Variants in NEK11 observed in about 807,000 individuals in gnomAD.
NEK11 encodes the protein serine/threonine-protein kinase Nek11.
Under a neutral mutation model 80.7 loss-of-function variants are expected in NEK11, and 72 were observed. The ratio of observed to expected loss-of-function variants is 0.89; its 90% CI spans 0.74 to 1.08. The LOEUF is 1.08. Among genes scored for constraint, NEK11 ranks in the 50% least tolerant of loss-of-function variants. The probability of loss-of-function intolerance (pLI) is 0.00; values close to 1 mark genes in which losing one functional copy is unlikely to be tolerated. For missense variants in NEK11, 764 were observed against 763.6 expected, an observed-to-expected ratio of 1.00 and a Z score of -0.01; for synonymous variants, 251 against 260.7, an observed-to-expected ratio of 0.96 and a Z score of 0.36.
At chr3:131,192,076 A>T (rs553170604) in intron 14 of NEK11, among the ~76,000 whole-genome samples, 1 of 152,276 alleles carries the variant, frequency 6.6e-6, no homozygotes, top group South Asian at 2.1e-4. Context: ...TATATAAAGA[A>T]CTCTTGAAAA....
chr3:131,119,814 T>C (rs1241758233), intron 5 of NEK11, among the ~76,000 whole-genome samples: 1 of 152,198 alleles, frequency 6.6e-6, no homozygotes, highest in East Asian at 1.9e-4. Flanking sequence ...TGTTTTGTTT[T>C]GTTTTCCAGT....
intron 15 of NEK11, among the ~76,000 whole-genome samples, chr3:131,229,812 G>T (rs1313099331): frequency 1.3e-5 from 2 of 152,012 alleles, no homozygotes; most frequent in East Asian, 3.9e-4. Context: ...GAAAGGATTA[G>T]AGAGAGATAA....
chr3:131,296,138 G>T (rs556265045), intron 17 of NEK11, among the ~76,000 whole-genome samples: 2 of 152,226 alleles, frequency 1.3e-5, no homozygotes, highest in South Asian at 4.1e-4. Flanking sequence ...ACCACACCTG[G>T]CCCAAGTCTG....
intron 17 of NEK11, among the ~76,000 whole-genome samples, chr3:131,300,166 T>C (rs753852586): frequency 6.6e-6 from 1 of 152,198 alleles, no homozygotes. Flanking sequence ...GTTGGCCACA[T>C]GTGTATGTCT....
At chr3:131,061,204 A>T (rs1465170362) in intron 3 of NEK11, among the ~76,000 whole-genome samples, 1 of 152,224 alleles carries the variant, frequency 6.6e-6, no homozygotes, top group Admixed American at 6.5e-5. Flanking sequence ...GATTTTTTAA[A>T]CATCTGAAGA....
chr3:131,071,507 T>C (rs1234569539), intron 3 of NEK11, among the ~76,000 whole-genome samples: 1 of 152,038 alleles, frequency 6.6e-6, no homozygotes, highest in Non-Finnish European at 1.5e-5. Flanking sequence ...GATTATCTTC[T>C]GTTTGCTATT....
intron 17 of NEK11, among the ~76,000 whole-genome samples, chr3:131,324,809 C>T (rs570680992): frequency 2.6e-5 from 4 of 152,240 alleles, no homozygotes; most frequent in South Asian, 2.1e-4. Flanking sequence ...ACTCCTTCCC[C>T]CTCTGAGCAT....
At chr3:131,212,886 G>A (rs1489534603) in intron 14 of NEK11, among the ~76,000 whole-genome samples, 1 of 152,156 alleles carries the variant, frequency 6.6e-6, no homozygotes, top group East Asian at 1.9e-4. Context: ...GTGTTTTTAA[G>A]ATGCAATTAA....
intron 7 of NEK11, among the ~76,000 whole-genome samples, chr3:131,147,717 C>T (rs373738421): frequency 6.6e-6 from 1 of 151,930 alleles, no homozygotes; most frequent in South Asian, 2.1e-4. Context: ...AGCAGTCTTG[C>T]GTAATTCCCT....
At chr3:131,044,867 T>C (rs781347643) in intron 3 of NEK11, among the ~76,000 whole-genome samples, 2 of 152,090 alleles carry the variant, frequency 1.3e-5, no homozygotes, top group Non-Finnish European at 2.9e-5. Flanking sequence ...ACCACATAAT[T>C]GGAAGTAAAA....
chr3:131,182,428 A>G (rs2093408732), intron 14 of NEK11, among the ~76,000 whole-genome samples: 1 of 152,216 alleles, frequency 6.6e-6, no homozygotes, highest in African/African-American at 2.4e-5. Context: ...TGAAGTCGCC[A>G]GCATTTATAA....
intron 3 of NEK11, among the ~76,000 whole-genome samples, chr3:131,060,990 C>T (rs1413584258): frequency 6.6e-6 from 1 of 151,974 alleles, no homozygotes; most frequent in Non-Finnish European, 1.5e-5. Context: ...ATTCCCAGTC[C>T]CCCATCCAGA....
chr3:131,062,802 G>A (rs1180478186), intron 3 of NEK11, among the ~76,000 whole-genome samples: 1 of 152,170 alleles, frequency 6.6e-6, no homozygotes, highest in East Asian at 1.9e-4. Flanking sequence ...AAGGAGGAAA[G>A]GAACCACCAC....
intron 16 of NEK11, among the ~76,000 whole-genome samples, chr3:131,247,532 T>C (rs564623541): frequency 6.6e-6 from 1 of 152,268 alleles, no homozygotes; most frequent in South Asian, 2.1e-4. Context: ...CCTTATAATA[T>C]AGTATAGTTT....
rs775973882 is a variant in NEK11, at chr3:131,133,907, A to C, written c.598A>C (p.Ser200Arg). ...TTTAACTGGAACTCCCCATTATATGAGTCCTGAGGCTCTGAAACACCAAGG... is the reference window on the plus strand; with the variant it reads ...TTTAACTGGAACTCCCCATTATATGCGTCCTGAGGCTCTGAAACACCAAGG... Reference protein sequence around the residue: ...TTLTGTPHYMSPEALKHQGYD... With the variant: ...TTLTGTPHYMRPEALKHQGYD... Residue 200 changes from serine (S) to arginine (R), a missense_variant, in exon 7 of 18, where the codon AGT becomes CGT. Physicochemically the swap from Ser to Arg is moderately radical, Grantham distance 110 (BLOSUM62 -1). Coordinates refer to ENST00000383366, the MANE Select transcript of NEK11 (RefSeq NM_024800.5). The C allele has an allele frequency of 6.2e-7, 1 of 1,612,486 alleles. No individual in the cohort carries two copies. The highest frequency in any genetic ancestry group is 8.5e-7 in the Non-Finnish European group (1 of 1,179,018).
chr3:131,063,667 G>A (rs972987887), intron 3 of NEK11, among the ~76,000 whole-genome samples: 2 of 152,116 alleles, frequency 1.3e-5, no homozygotes, highest in Non-Finnish European at 2.9e-5. Flanking sequence ...TTTGTCTGAT[G>A]GGGAATACAA....
intron 16 of NEK11, among the ~76,000 whole-genome samples, chr3:131,268,581 C>G (rs1581160469): frequency 6.6e-6 from 1 of 152,204 alleles, no homozygotes; most frequent in Non-Finnish European, 1.5e-5. Context: ...CCCTGTTTGC[C>G]TGAGTACCAC....
chr3:131,322,111 T>C (rs1190375770), intron 17 of NEK11, among the ~76,000 whole-genome samples: 1 of 152,170 alleles, frequency 6.6e-6, no homozygotes, highest in African/African-American at 2.4e-5. Context: ...AGTGGGGGAC[T>C]GGATAAAGAA....
rs543121552 is a variant in NEK11 at position 131,072,102 on chromosome 3, A to C, written c.171-8321A>C. On this transcript the variant is annotated intron_variant, in intron 3 of 17. Coordinates refer to ENST00000383366, the MANE Select transcript of NEK11 (RefSeq NM_024800.5). ...GTAGTATCAGGAAATGGCTGATACTATCAAAATGGCTTAAACAATAAGAAA... is the reference window on the plus strand; with the variant it reads ...GTAGTATCAGGAAATGGCTGATACTCTCAAAATGGCTTAAACAATAAGAAA... 3 of 152,276 alleles carry C rather than the reference A, an allele frequency of 2.0e-5. No homozygotes were observed. The East Asian group carries it at 5.8e-4, about 29-fold the overall frequency. 9.4% of individuals were successfully genotyped at this position (152,276 alleles called of 1,614,324 possible).
Sources: allele counts gnomAD v4.1 joint callset (sites outside exome capture counted in the v4.1 genomes callset), GRCh38; gene constraint gnomAD v4.1.1; transcripts MANE v1.5; gene names NCBI Gene and HGNC (gene_info 2026-07-23, HGNC 2026-07-21).